The following CELF4 variants were observed in gnomAD, a reference collection of about 807,000 sequenced individuals.
The protein encoded by CELF4 is CUGBP Elav-like family member 4, also known as CUG-BP- and ETR-3-like factor 4.
A neutral mutation model predicts 59.9 loss-of-function variants in CELF4; 18 were observed. The ratio of observed to expected loss-of-function variants is 0.30; its 90% CI spans 0.21 to 0.45. The LOEUF is 0.45. CELF4 is among the 20% of genes least tolerant of loss of function. CELF4 has a pLI of 1.00. For synonymous variants in CELF4, 261 were observed against 267.1 expected (o/e 0.98, Z 0.22); for missense variants, 456 against 689.0 (o/e 0.66, Z 3.79).
chr18:37,340,811 C>G (rs1311809778), intron 2 of CELF4, among the ~76,000 whole-genome samples: 1 of 152,244 alleles, frequency 6.6e-6, no homozygotes, highest in African/African-American at 2.4e-5. Context: ...CTACCAGGCA[C>G]AAGCTACTGG....
At chr18:37,459,340 C>T (rs2099787335) in intron 2 of CELF4, among the ~76,000 whole-genome samples, 1 of 149,866 alleles carries the variant, frequency 6.7e-6, no homozygotes, top group Non-Finnish European at 1.5e-5. Flanking sequence ...TTCTCTCTCT[C>T]CCAGAGTTAA....
chr18:37,321,544 T>C (rs2097117475), intron 3 of CELF4, among the ~76,000 whole-genome samples: 1 of 152,058 alleles, frequency 6.6e-6, no homozygotes, highest in Non-Finnish European at 1.5e-5. Flanking sequence ...GGGAGAAGAA[T>C]ATCCTGGGAC....
At chr18:37,461,278 A>C (rs1446218090) in intron 2 of CELF4, among the ~76,000 whole-genome samples, 1 of 152,164 alleles carries the variant, frequency 6.6e-6, no homozygotes, top group Admixed American at 6.5e-5. Context: ...ATAAAGACAT[A>C]CCTAAGACTG....
At chr18:37,395,818 G>A (rs2099237574) in intron 2 of CELF4, among the ~76,000 whole-genome samples, 1 of 152,194 alleles carries the variant, frequency 6.6e-6, no homozygotes, top group Non-Finnish European at 1.5e-5. Context: ...AGAGGAGAAA[G>A]GAGGCTGGCT....
At chr18:37,477,080 G>C (rs1207409544) in intron 2 of CELF4, among the ~76,000 whole-genome samples, 3 of 152,240 alleles carry the variant, frequency 2.0e-5, no homozygotes, top group African/African-American at 7.2e-5. Context: ...GGTGCCTCTG[G>C]AAATGCCAAG....
intron 2 of CELF4, among the ~76,000 whole-genome samples, chr18:37,350,568 T>G (rs1242976409): frequency 6.6e-6 from 1 of 152,166 alleles, no homozygotes; most frequent in Non-Finnish European, 1.5e-5. Flanking sequence ...AACAGACCCC[T>G]AACCTCCCCT....
At chr18:37,539,331 A>G (rs1305704957) in intron 1 of CELF4, among the ~76,000 whole-genome samples, 1 of 152,208 alleles carries the variant, frequency 6.6e-6, no homozygotes. Flanking sequence ...TCACCCAGTT[A>G]GAGAGTGGGA....
At chr18:37,368,187 C>A (rs142725563) in intron 2 of CELF4, among the ~76,000 whole-genome samples, 1 of 152,104 alleles carries the variant, frequency 6.6e-6, no homozygotes, top group Non-Finnish European at 1.5e-5. Flanking sequence ...ATCCTTCGGG[C>A]GAGAACTCAG....
intron 2 of CELF4, among the ~76,000 whole-genome samples, chr18:37,336,885 C>T (rs936870932): frequency 2.0e-5 from 3 of 151,466 alleles, no homozygotes; most frequent in African/African-American, 7.3e-5. Flanking sequence ...AATGCCAGTG[C>T]TGTCACCCCA....
chr18:37,514,272 C>T (rs2099948056), intron 1 of CELF4, among the ~76,000 whole-genome samples: 1 of 152,064 alleles, frequency 6.6e-6, no homozygotes, highest in South Asian at 2.1e-4. Flanking sequence ...AAAGTACGGC[C>T]CTCTTCCCCT....
intron 2 of CELF4, among the ~76,000 whole-genome samples, chr18:37,431,243 G>T (rs771393568): frequency 6.6e-6 from 1 of 151,968 alleles, no homozygotes; most frequent in South Asian, 2.1e-4. Context: ...TCATTATGCC[G>T]AAAACAATTG....
intron 1 of CELF4, among the ~76,000 whole-genome samples, chr18:37,496,230 T>C (rs2099925077): frequency 6.6e-6 from 1 of 152,190 alleles, no homozygotes; most frequent in African/African-American, 2.4e-5. Context: ...GTTGAGCAGC[T>C]TTCTGCTGTT....
intron 2 of CELF4, among the ~76,000 whole-genome samples, chr18:37,328,476 T>A (rs1286290516): frequency 6.6e-6 from 1 of 152,188 alleles, no homozygotes; most frequent in East Asian, 1.9e-4. Flanking sequence ...AGCCTGAAGA[T>A]ACCTGGCTCC....
At chr18:37,564,876 CT>C (rs2154606437) in intron 1 of CELF4, among the ~76,000 whole-genome samples, 1 of 152,252 alleles carries the variant, frequency 6.6e-6, no homozygotes, top group Admixed American at 6.5e-5. Flanking sequence ...TTTTAGACGG[CT>C]GCGCTCCTGC....
intron 1 of CELF4, among the ~76,000 whole-genome samples, chr18:37,543,358 G>A (rs2099979088): frequency 6.6e-6 from 1 of 152,140 alleles, no homozygotes; most frequent in Admixed American, 6.5e-5. Context: ...CCCCCAAGCT[G>A]GGCATCTTCC....
chr18:37,376,800 G>A (rs1247920), intron 2 of CELF4, among the ~76,000 whole-genome samples: 77,484 of 152,150 alleles, frequency 0.51, 20,834 homozygotes, highest in African/African-American at 0.67. Context: ...GGTTGGGATC[G>A]TAAACTGGAG....
chr18:37,248,227 G>A (rs1289035052), intron 12 of CELF4, among the ~76,000 whole-genome samples: 1 of 152,206 alleles, frequency 6.6e-6, no homozygotes, highest in Non-Finnish European at 1.5e-5. Flanking sequence ...GAGATTTAGG[G>A]TAAAATTCAT....
At chr18:37,506,043 C>G (rs1429400534) in intron 1 of CELF4, among the ~76,000 whole-genome samples, 2 of 152,162 alleles carry the variant, frequency 1.3e-5, no homozygotes, top group Non-Finnish European at 2.9e-5. Context: ...AAAGCCTCAG[C>G]CCTGGTTTGT....
intron 2 of CELF4, among the ~76,000 whole-genome samples, chr18:37,441,529 G>T (rs1474563456): frequency 6.6e-6 from 1 of 152,182 alleles, no homozygotes; most frequent in Non-Finnish European, 1.5e-5. Flanking sequence ...GGGGCAATTA[G>T]GTAGGAGGGG....
Sources: allele counts gnomAD v4.1 joint callset (sites outside exome capture counted in the v4.1 genomes callset), GRCh38; gene constraint gnomAD v4.1.1; transcripts MANE v1.5; gene names NCBI Gene and HGNC (gene_info 2026-07-23, HGNC 2026-07-21).